XKR9: variants seen among roughly 807,000 people sequenced by gnomAD.
XKR9 encodes the protein XK related 9.
XKR9 carries 32 observed loss-of-function variants against 32.0 expected under a neutral mutation model. The ratio of observed to expected loss-of-function variants is 1.00; its 90% confidence interval spans 0.76 to 1.34. The LOEUF is 1.34. Among genes scored for constraint, XKR9 ranks in the 40% most tolerant of loss-of-function variants. The pLI, the probability that XKR9 is intolerant of heterozygous loss-of-function variation, is 0.00. For missense variants in XKR9, 546 were observed against 429.7 expected (o/e 1.27, Z -2.39); for synonymous variants, 168 against 143.4 (o/e 1.17, Z -1.22).
intron 2 of XKR9, among the ~76,000 whole-genome samples, chr8:70,785,600 T>C (rs1340239760): frequency 1.3e-5 from 2 of 150,682 alleles, no homozygotes; most frequent in Non-Finnish European, 3.0e-5. Flanking sequence ...GAATGTTAAG[T>C]TGTTTATTTG....
At chr8:71,063,467 TG>T in the XKR9 span, among the ~76,000 whole-genome samples, 3 of 151,842 alleles carry the variant, frequency 2.0e-5, no homozygotes, top group Admixed American at 2.0e-4. Flanking sequence ...TTGAGAAGTG[TG>T]GGGCCCTTAA....
intron 4 of XKR9, among the ~76,000 whole-genome samples, chr8:70,725,713 C>G (rs1382293399): frequency 6.6e-6 from 1 of 152,088 alleles, no homozygotes; most frequent in African/African-American, 2.4e-5. Flanking sequence ...CAAGACCAGC[C>G]TGTCCAACAT....
the XKR9 span, among the ~76,000 whole-genome samples, chr8:70,920,306 A>G: frequency 0.011 from 1,693 of 152,338 alleles, 30 homozygotes; most frequent in African/African-American, 0.037. Flanking sequence ...TTAATGATAA[A>G]CAAAATTTAG....
rs567124387 is a variant in XKR9, at chr8:70,710,732, TAAAC to T, written c.493+3587_493+3590del. The stretch of plus-strand genomic sequence containing the variant: ...CAACAACAACAACAACAAAAACAAA[TAAAC>T]AAACAAAAAACAAAAGCAATTGCAA... On this transcript the variant is annotated intron_variant, in intron 4 of 4. Coordinates refer to ENST00000408926, the MANE Select transcript of XKR9 (RefSeq NM_001011720.2). Among the ~76,000 whole-genome samples the T allele has an allele frequency of 8.7e-4, 132 of 151,010 alleles. 1 individual carries two copies. Among genetic ancestry groups the T allele is most frequent in the South Asian group, 4.6e-3 (22 of 4,782 alleles).
the XKR9 span, among the ~76,000 whole-genome samples, chr8:71,009,184 T>A: frequency 6.6e-6 from 1 of 151,852 alleles, no homozygotes; most frequent in Non-Finnish European, 1.5e-5. Flanking sequence ...GAGACAGTAG[T>A]GAGGTGGGAA....
intron 1 of XKR9, among the ~76,000 whole-genome samples, chr8:70,674,059 G>A (rs923377391): frequency 6.6e-6 from 1 of 151,884 alleles, no homozygotes; most frequent in African/African-American, 2.4e-5. Context: ...TCCTAGCACT[G>A]TTGGGAGGCT....
chr8:70,924,624 A>T, the XKR9 span, among the ~76,000 whole-genome samples: 1 of 152,094 alleles, frequency 6.6e-6, no homozygotes, highest in Non-Finnish European at 1.5e-5. Flanking sequence ...CACGTGGCAG[A>T]TTCCTACACA....
chr8:70,723,391 C>T (rs1806348089), intron 4 of XKR9, among the ~76,000 whole-genome samples: 1 of 152,134 alleles, frequency 6.6e-6, no homozygotes, highest in South Asian at 2.1e-4. Flanking sequence ...GATATTTTGG[C>T]TTTTGGAATT....
intron 3 of XKR9, among the ~76,000 whole-genome samples, chr8:70,687,066 ACATTTGTGCACCCATTAAC>A (rs1195337403): frequency 2.8e-5 from 4 of 142,546 alleles, no homozygotes; most frequent in African/African-American, 7.5e-5. Flanking sequence ...CATTCTAACT[ACATTTGTGCACCCATTAAC>A]CATCCCACTT....
chr8:71,040,662 T>C, the XKR9 span, among the ~76,000 whole-genome samples: 1 of 152,192 alleles, frequency 6.6e-6, no homozygotes, highest in South Asian at 2.1e-4. Flanking sequence ...ATTATTATTT[T>C]TGTCCTGCAG....
chr8:70,968,291 C>T, the XKR9 span, among the ~76,000 whole-genome samples: 2 of 152,150 alleles, frequency 1.3e-5, no homozygotes, highest in Admixed American at 1.3e-4. Flanking sequence ...TCCATCAGGT[C>T]AGTTATGCTC....
chr8:70,755,070 A>T (rs987744435), intron 2 of XKR9, among the ~76,000 whole-genome samples: 6 of 152,216 alleles, frequency 3.9e-5, no homozygotes, highest in African/African-American at 1.4e-4. Flanking sequence ...TTTACAAGAA[A>T]AAAACAACCC....
At chr8:70,839,461 C>A in the XKR9 span, among the ~76,000 whole-genome samples, 7 of 152,104 alleles carry the variant, frequency 4.6e-5, no homozygotes, top group Non-Finnish European at 1.0e-4. Context: ...AACCAATACA[C>A]TACATTTCTA....
At chr8:70,930,484 C>T in the XKR9 span, among the ~76,000 whole-genome samples, 3 of 152,112 alleles carry the variant, frequency 2.0e-5, no homozygotes, top group Non-Finnish European at 2.9e-5. Context: ...TTAAAGTCAA[C>T]AAGACAGCAA....
At chr8:70,789,964 AT>A (rs1807743045) in intron 3 of XKR9, 1 of 151,624 alleles carries the variant, frequency 6.6e-6, no homozygotes, top group East Asian at 1.9e-4. Flanking sequence ...CTAATGCTCC[AT>A]CCACATGAGC....
the XKR9 span, among the ~76,000 whole-genome samples, chr8:71,008,347 C>T: frequency 6.6e-6 from 1 of 152,170 alleles, no homozygotes; most frequent in Non-Finnish European, 1.5e-5. Context: ...CCTTGCTCCA[C>T]ATATATCTGA....
At chr8:70,786,098 G>C (rs1807685064) in intron 2 of XKR9, among the ~76,000 whole-genome samples, 1 of 151,834 alleles carries the variant, frequency 6.6e-6, no homozygotes, top group Non-Finnish European at 1.5e-5. Context: ...AATTTTCTTG[G>C]TATTGATTTC....
In XKR9 at chr8:70,670,841, G is replaced by C. The variant is rs547276456; in HGVS notation, c.-361+1303G>C. Reference sequence around the variant, plus strand: ...TCTCCTACATCAGGCATTTCAATCTGTCAATATGTATTTATGATAGCCATC... The same window carrying C: ...TCTCCTACATCAGGCATTTCAATCTCTCAATATGTATTTATGATAGCCATC... On this transcript the variant is annotated intron_variant, in intron 1 of 4. Transcript: ENST00000408926. 2.0e-5 allele frequency among the ~76,000 whole-genome samples: 3 copies of C among 152,248 alleles called. No homozygotes were observed. The South Asian group carries it at 6.2e-4, about 32-fold the overall frequency.
downstream of XKR9, among the ~76,000 whole-genome samples, chr8:70,736,163 G>C (rs943759734): frequency 6.6e-6 from 1 of 151,880 alleles, no homozygotes; most frequent in Non-Finnish European, 1.5e-5. Context: ...ATTCTAACTG[G>C]TGTGAGATGG....
Sources: allele counts gnomAD v4.1 joint callset (sites outside exome capture counted in the v4.1 genomes callset), GRCh38; gene constraint gnomAD v4.1.1; transcripts MANE v1.5; gene names NCBI Gene and HGNC (gene_info 2026-07-23, HGNC 2026-07-21).